Variants in VWA5B1 observed in about 807,000 individuals in gnomAD.
VWA5B1 encodes von Willebrand factor A domain-containing protein 5B1.
A neutral mutation model predicts 118.2 loss-of-function variants in VWA5B1; 115 were observed. That is an observed-to-expected ratio of 0.97 (90% CI 0.84 to 1.14). The LOEUF (loss-of-function observed/expected upper bound fraction) is 1.14. Among genes scored for constraint, VWA5B1 ranks in the 50% most tolerant of loss-of-function variants. The pLI, the probability that VWA5B1 is intolerant of heterozygous loss-of-function variation, is 0.00. For synonymous variants in VWA5B1, 682 were observed against 658.4 expected (o/e 1.04, Z -0.55); for missense variants, 1,596 against 1,603.8 (o/e 1.00, Z 0.08).
chr1:20,343,543 T>G (rs952647333), intron 16 of VWA5B1, 150 bp downstream of exon 16: 2 of 1,234,348 alleles, frequency 1.6e-6, no homozygotes, highest in Admixed American at 4.3e-5. Flanking sequence ...CCCCACCCCC[T>G]CCTCACAGCC....
chr1:20,308,372 A>G lies in VWA5B1; in HGVS notation c.-26-2204A>G, dbSNP rs991324911. 1.2e-4 allele frequency among the ~76,000 whole-genome samples: 18 copies of G among 152,324 alleles called. No individual in the cohort carries two copies. In the South Asian group the frequency reaches 1.5e-3, roughly 12 times the overall value. On this transcript the variant is annotated intron_variant, in intron 1 of 21. Transcript: ENST00000289815. ...ATGCCTTCGGCAGAATCTCACCCCA[A>G]GGTGGACTGGAGCTGAGGTCTGGGA...
chr1:20,302,609 G>T (rs535641385), intron 1 of VWA5B1, among the ~76,000 whole-genome samples: 1 of 152,224 alleles, frequency 6.6e-6, no homozygotes, highest in Non-Finnish European at 1.5e-5. Context: ...GCCTAGCAGT[G>T]TCTGGCACAG....
In VWA5B1 at chr1:20,350,906, A is replaced by G; in HGVS notation, c.3003A>G (p.Ser1001=). The change falls in exon 20 of 22, where the codon TCA becomes TCG. Residue 1001 remains serine, a synonymous_variant. Coordinates refer to ENST00000289815, the MANE Select transcript of VWA5B1 (RefSeq NM_001039500.3). ...ATACTCTTTCTTCCATGAAGGCCTC[A>G]GAGAATCTCTTTGGATCCTGGTAGG... is the stretch of plus-strand genomic sequence containing the variant. ...ATNTLSSMKA[S]ENLFGSWLNL... is the part of the protein sequence containing the mutation. 2 of 1,551,990 alleles carry G rather than the reference A, an allele frequency of 1.3e-6. No individual in the cohort carries two copies. Among genetic ancestry groups the G allele is most frequent in the Non-Finnish European group, 1.7e-6 (2 of 1,147,050 alleles).
chr1:20,310,777 C>T (rs766945443), intron 2 of VWA5B1, 37 bp downstream of exon 2: 1 of 1,495,952 alleles, frequency 6.7e-7, no homozygotes, highest in South Asian at 1.3e-5. Flanking sequence ...GGGACCACCC[C>T]CTCCTCCACA....
chr1:20,351,933 C>T, intron 20 of VWA5B1, 122 bp from the exon 21 acceptor site: 1 of 664,584 alleles, frequency 1.5e-6, no homozygotes, highest in Non-Finnish European at 2.5e-6. Flanking sequence ...GCTTCCTTAG[C>T]TATCAGATAA....
At position 20,323,424 on chromosome 1, in the gene VWA5B1, T is replaced by A; in HGVS notation, c.1035T>A (p.Cys345Ter). The change falls in exon 8 of 22, where the codon TGT (cysteine) becomes TGA (stop). Residue 345 changes from cysteine (C) to a stop codon, truncating the protein, a stop_gained. Coordinates refer to ENST00000289815, the MANE Select transcript of VWA5B1 (RefSeq NM_001039500.3). LOFTEE classifies it high-confidence loss of function. ...PHHSVIMLNF[C>*]PDLQSVQPCL... The stretch of plus-strand genomic sequence containing the variant: ...ACTCCGTCATCATGCTCAACTTCTG[T>A]CCCGACCTCCAGTCAGTCCAGCCGT... 1 of 1,535,784 alleles carries A rather than the reference T, an allele frequency of 6.5e-7. No homozygotes were observed. Among genetic ancestry groups the A allele is most frequent in the South Asian group, 1.2e-5 (1 of 81,100 alleles).
Position 20,323,532 on chromosome 1 carries a change from G to T in VWA5B1, c.1143G>T (p.Lys381Asn). The part of the protein sequence containing the change: ...SMSGISMHRV[K>N]DAMLVALKSL... ...GCGGGATCAGCATGCACCGAGTCAA[G>T]GTACCTGCTGAGAGAACCCCTCCCG... is the stretch of plus-strand genomic sequence containing the variant. The change falls in exon 8 of 22, where the codon AAG becomes AAT. Residue 381 changes from lysine (K) to asparagine (N), a missense_variant and splice_region_variant. Transcript: ENST00000289815. 1 of 1,428,968 alleles carries T rather than the reference G, an allele frequency of 7.0e-7. No homozygotes were observed. Among genetic ancestry groups the T allele is most frequent in the Non-Finnish European group, 9.2e-7 (1 of 1,082,204 alleles). The allele number at this position is 1,428,968 out of a possible 1,614,324, so 88.5% of individuals were successfully genotyped here.
chr1:20,351,217 G>A (rs2090122268), intron 20 of VWA5B1, among the ~76,000 whole-genome samples: 1 of 152,228 alleles, frequency 6.6e-6, no homozygotes. Flanking sequence ...ACAAGAATGT[G>A]ATAGTAAAAG....
rs1382344641 is a variant in VWA5B1 at position 20,312,719 on chromosome 1, C to T, written c.140-117C>T. ...CTCTCTGCCGAGGCCTCTCGGCATC[C>T]AATAAGCGGCAGTGGGCACCACCCA... On this transcript the variant is annotated intron_variant, in intron 2 of 21. Coordinates refer to ENST00000289815, the MANE Select transcript of VWA5B1 (RefSeq NM_001039500.3). 3.0e-6 allele frequency: 4 copies of T among 1,337,226 alleles called. No homozygotes were observed. In the African/African-American group the frequency reaches 5.9e-5, roughly 20 times the overall value. The allele number at this position is 1,337,226 out of a possible 1,614,324, so 82.8% of individuals were successfully genotyped here. A position where few individuals can be genotyped will look rare whatever the true frequency, so the allele number is the denominator to read the frequency against.
At chr1:20,291,330 T>TCTCGCTCG (rs1390917144) in intron 1 of VWA5B1, among the ~76,000 whole-genome samples, 3 of 143,092 alleles carry the variant, frequency 2.1e-5, no homozygotes, top group African/African-American at 5.6e-5. Context: ...CAGGTCCAGC[T>TCTCGCTCG]CTCTCTCTCT....
At chr1:20,342,354 G>C in intron 14 of VWA5B1, 78 bp from the exon 15 acceptor site, 1 of 1,458,704 alleles carries the variant, frequency 6.9e-7, no homozygotes, top group Non-Finnish European at 9.3e-7. Context: ...CAGCCACCAG[G>C]AGCTCTTCCT....
In VWA5B1 at chr1:20,356,862, TG is replaced by T. The variant is rs1265005625; in HGVS notation, c.*2600del. On this transcript the variant is annotated 3_prime_UTR_variant, in exon 22 of 22. Coordinates refer to ENST00000289815, the MANE Select transcript of VWA5B1 (RefSeq NM_001039500.3). Reference sequence around the variant, plus strand: ...GAACTTCAGTGGTATTGAGATGACATGCAGCCTCAAAAACGTGCTACCGGGA... The same window carrying T: ...GAACTTCAGTGGTATTGAGATGACATCAGCCTCAAAAACGTGCTACCGGGA... Among the ~76,000 whole-genome samples, 1 of 152,200 alleles carries T rather than the reference TG, an allele frequency of 6.6e-6. No individual in the cohort carries two copies. Among genetic ancestry groups the T allele is most frequent in the African/African-American group, 2.4e-5 (1 of 41,422 alleles).
At chr1:20,294,184 C>T (rs1294219311) in intron 1 of VWA5B1, 2 of 152,144 alleles carry the variant, frequency 1.3e-5, no homozygotes, top group Non-Finnish European at 2.9e-5. Flanking sequence ...GAGAAGAACT[C>T]CTGGATTTGA....
Position 20,354,106 on chromosome 1 carries a change from C to CT in VWA5B1, c.3492dup (p.Ala1165CysfsTer37), listed in dbSNP as rs1387629788. The CT allele has an allele frequency of 1.3e-6, 2 of 1,551,456 alleles. No homozygotes were observed. The highest frequency in any genetic ancestry group is 1.4e-5 in the African/African-American group (1 of 73,128). On this transcript the variant is annotated frameshift_variant, in exon 22 of 22. Coordinates refer to ENST00000289815, the MANE Select transcript of VWA5B1 (RefSeq NM_001039500.3). LOFTEE classifies it high-confidence loss of function. ...TACTTCACTGAGTGGGAGTTGGTGG[C>CT]TGCCAAGGCCAACTCATGGCTGGAG...
chr1:20,344,096 G>A (rs1356483148), intron 16 of VWA5B1, among the ~76,000 whole-genome samples: 2 of 149,574 alleles, frequency 1.3e-5, no homozygotes, highest in Non-Finnish European at 3.0e-5. Flanking sequence ...GCATAGCCCA[G>A]GGCTCCATTC....
rs78165782 is a variant in VWA5B1, at chr1:20,302,517, G to C, written c.-26-8059G>C. Among the ~76,000 whole-genome samples, 1,049 of 152,362 alleles carry C rather than the reference G, an allele frequency of 6.9e-3. 6 individuals carry two copies. The highest frequency in any genetic ancestry group is 0.024 in the African/African-American group (1,005 of 41,594). On this transcript the variant is annotated intron_variant, in intron 1 of 21. Coordinates refer to ENST00000289815, the MANE Select transcript of VWA5B1 (RefSeq NM_001039500.3). ...CTGCCTCAAGTTCTGGGGGCTAACT[G>C]CTCCTGGTTGGGGTGGGTGGGGGAC... is the stretch of plus-strand genomic sequence containing the variant.
At chr1:20,348,091 A>G (rs1570228141) in intron 17 of VWA5B1, among the ~76,000 whole-genome samples, 154 bp from the exon 18 acceptor site, 1 of 151,926 alleles carries the variant, frequency 6.6e-6, no homozygotes, top group East Asian at 1.9e-4. Flanking sequence ...GGTCTTTCTG[A>G]CTCTAAAGCT....
At chr1:20,310,545 T>C (rs943568896) in intron 1 of VWA5B1, 31 bp from the exon 2 acceptor site, 17 of 1,459,178 alleles carry the variant, frequency 1.2e-5, no homozygotes, top group Non-Finnish European at 1.5e-5. Flanking sequence ...GGGAGCCTCT[T>C]CCCACTTCCT....
chr1:20,350,997 C>A (rs80211240), intron 20 of VWA5B1, 71 bp downstream of exon 20: 82,880 of 1,475,070 alleles, frequency 0.056, 2,600 homozygotes, highest in Middle Eastern at 0.072. Flanking sequence ...TGGGGTTTTC[C>A]CTGACTTGGA....
Sources: allele counts gnomAD v4.1 joint callset (sites outside exome capture counted in the v4.1 genomes callset), GRCh38; gene constraint gnomAD v4.1.1; transcripts MANE v1.5; gene names NCBI Gene and HGNC (gene_info 2026-07-23, HGNC 2026-07-21).